Variants in DNAH11 observed in about 807,000 individuals in gnomAD.
DNAH11 encodes dynein axonemal heavy chain 11, also known as axonemal beta dynein heavy chain 11.
DNAH11 carries 442 observed loss-of-function variants against 526.0 expected under a neutral mutation model. That is an observed-to-expected ratio of 0.84 (90% CI 0.78 to 0.91). DNAH11 has a LOEUF of 0.91. DNAH11 is among the 40% of genes least tolerant of loss of function. DNAH11 has a pLI of 0.00. For synonymous variants in DNAH11, 2,461 were observed against 1,935.9 expected (o/e 1.27, Z -7.12); for missense variants, 6,989 against 5,448.7 (o/e 1.28, Z -8.90).
intron 25 of DNAH11, among the ~76,000 whole-genome samples, chr7:21,632,471 T>C (rs1562715516): frequency 6.6e-6 from 1 of 152,158 alleles, no homozygotes; most frequent in Non-Finnish European, 1.5e-5. Context: ...ACTGAATTCC[T>C]GTAACAGCAC....
At chr7:21,621,743 G>T (rs1786069006) in intron 25 of DNAH11, among the ~76,000 whole-genome samples, 1 of 152,064 alleles carries the variant, frequency 6.6e-6, no homozygotes, top group Non-Finnish European at 1.5e-5. Flanking sequence ...CTCAATAGAT[G>T]CAGAAAAGGC....
chr7:21,586,486 C>T (rs1251357094), intron 9 of DNAH11, among the ~76,000 whole-genome samples: 2 of 152,140 alleles, frequency 1.3e-5, no homozygotes, highest in African/African-American at 4.8e-5. Context: ...CAGAAAAAGT[C>T]AGAATGTGTT....
chr7:21,554,484 A>G (rs765805124), intron 2 of DNAH11, among the ~76,000 whole-genome samples: 1 of 151,914 alleles, frequency 6.6e-6, no homozygotes, highest in Non-Finnish European at 1.5e-5. Flanking sequence ...CCTTGGGATC[A>G]TTATTATCTC....
At chr7:21,835,592 T>C (rs1359086798) in intron 65 of DNAH11, among the ~76,000 whole-genome samples, 1 of 152,024 alleles carries the variant, frequency 6.6e-6, no homozygotes, top group Non-Finnish European at 1.5e-5. Flanking sequence ...CTCAACAAAT[T>C]GTGTATAGAA....
chr7:21,610,275 A>G (rs1241887069), intron 20 of DNAH11, among the ~76,000 whole-genome samples: 1 of 152,132 alleles, frequency 6.6e-6, no homozygotes, highest in Non-Finnish European at 1.5e-5. Context: ...AACAAAACAG[A>G]AAAAGATACT....
At chr7:21,546,184 C>G (rs765138827) in intron 2 of DNAH11, among the ~76,000 whole-genome samples, 1 of 151,586 alleles carries the variant, frequency 6.6e-6, no homozygotes, top group Non-Finnish European at 1.5e-5. Context: ...CATGATCACA[C>G]CTCTTCTACT....
At chr7:21,824,388 G>A (rs950438433) in intron 65 of DNAH11, among the ~76,000 whole-genome samples, 1 of 151,948 alleles carries the variant, frequency 6.6e-6, no homozygotes. Context: ...GTTCCATAAA[G>A]TCTAACAGAC....
chr7:21,674,766 T>TGC (rs2128470330), intron 30 of DNAH11, among the ~76,000 whole-genome samples: 1 of 152,152 alleles, frequency 6.6e-6, no homozygotes, highest in South Asian at 2.1e-4. Context: ...AGATAGGGAA[T>TGC]TTTCACTGAA....
At chr7:21,668,019 A>T (rs557637553) in intron 30 of DNAH11, among the ~76,000 whole-genome samples, 2 of 152,182 alleles carry the variant, frequency 1.3e-5, no homozygotes, top group Non-Finnish European at 2.9e-5. Flanking sequence ...GTTCTGGAAT[A>T]TAAACAGAGA....
At chr7:21,711,427 T>G (rs1784460203) in intron 41 of DNAH11, among the ~76,000 whole-genome samples, 1 of 152,244 alleles carries the variant, frequency 6.6e-6, no homozygotes, top group Non-Finnish European at 1.5e-5. Context: ...ATTCAGGTCC[T>G]TTCATGTGAT....
In DNAH11 at chr7:21,867,878, C is replaced by T; in HGVS notation, c.11710C>T (p.Leu3904=). 5.7e-6 allele frequency: 9 copies of T among 1,576,286 alleles called. No homozygotes were observed. Among genetic ancestry groups the T allele is most frequent in the Non-Finnish European group, 7.8e-6 (9 of 1,159,660 alleles). The part of the protein sequence containing the change: ...YALRNFVEEK[L]GAKYVERTRL... The stretch of plus-strand genomic sequence containing the variant: ...TTATAGAAATTTTGTAGAGGAAAAA[C>T]TGGGTGCGAAGTATGTGGAGAGGAC... The change falls in exon 72 of 82, where the codon CTG becomes TTG. Residue 3904 remains leucine, a synonymous_variant. Coordinates refer to ENST00000409508, the MANE Select transcript of DNAH11 (RefSeq NM_001277115.2).
rs551195183 is a variant in DNAH11, at chr7:21,617,665, C to A, written c.4142C>A (p.Thr1381Lys). ...NKEVRVWDAYTGLEGTVKDMT... is the reference protein window; with the variant it reads ...NKEVRVWDAYKGLEGTVKDMT... ...GAAGTCCGCGTCTGGGATGCTTACA[C>A]GGGCCTGGAAGGCACAGTTAAGGAC... Residue 1381 changes from threonine to lysine, a missense_variant, in exon 23 of 82, where the codon ACG (threonine) becomes AAG (lysine). Transcript: ENST00000409508. 1 of 1,613,734 alleles carries A rather than the reference C, an allele frequency of 6.2e-7. No homozygotes were observed. Among genetic ancestry groups the A allele is most frequent in the African/African-American group, 1.3e-5 (1 of 74,926 alleles).
At chr7:21,756,921 C>A (rs768446226) in intron 54 of DNAH11, among the ~76,000 whole-genome samples, 6 of 152,092 alleles carry the variant, frequency 3.9e-5, no homozygotes, top group Non-Finnish European at 7.4e-5. Context: ...TTTGAAAAAG[C>A]AGTTAATTAT....
At chr7:21,789,812 C>CTTTCTTTCTTT (rs1554281417) in intron 61 of DNAH11, among the ~76,000 whole-genome samples, 1,542 of 75,656 alleles carry the variant, frequency 0.02, 23 homozygotes, top group Admixed American at 0.062. Context: ...TTTCTTTTTT[C>CTTTCTTTCTTT]TTTCTTTCTT....
At chr7:21,729,432 G>T (rs544787009) in intron 45 of DNAH11, among the ~76,000 whole-genome samples, 1 of 152,142 alleles carries the variant, frequency 6.6e-6, no homozygotes, top group Admixed American at 6.5e-5. Context: ...CATGTTCTGC[G>T]TATGGACAAG....
At chr7:21,875,877 C>CTTTTTTT (rs35349937) in intron 74 of DNAH11, among the ~76,000 whole-genome samples, 8 of 78,914 alleles carry the variant, frequency 1.0e-4, no homozygotes, top group Non-Finnish European at 1.4e-4. Context: ...AAGAATATTT[C>CTTTTTTT]TTTTTTTTTT....
intron 65 of DNAH11, among the ~76,000 whole-genome samples, chr7:21,819,926 C>A (rs144251435): frequency 7.9e-5 from 12 of 152,106 alleles, no homozygotes; most frequent in Admixed American, 7.9e-4. Context: ...ATCATTCTTG[C>A]ATTTCTTTTA....
At chr7:21,589,443 T>G (rs779218539) in intron 12 of DNAH11, 40 bp downstream of exon 12, 2 of 1,489,722 alleles carry the variant, frequency 1.3e-6, no homozygotes, top group Non-Finnish European at 9.1e-7. Context: ...TAAGTGCCCT[T>G]TTTATTATAA....
intron 2 of DNAH11, among the ~76,000 whole-genome samples, chr7:21,551,779 A>C (rs1000240970): frequency 1.3e-5 from 2 of 152,178 alleles, no homozygotes; most frequent in Non-Finnish European, 2.9e-5. Flanking sequence ...ATATCTAAGC[A>C]GTTCTGGTCT....
Sources: allele counts gnomAD v4.1 joint callset (sites outside exome capture counted in the v4.1 genomes callset), GRCh38; gene constraint gnomAD v4.1.1; transcripts MANE v1.5; gene names NCBI Gene and HGNC (gene_info 2026-07-23, HGNC 2026-07-21).